Variants in C6orf89 observed in about 807,000 individuals in gnomAD.
The protein encoded by C6orf89 is chromosome 6 open reading frame 89, also known as bombesin receptor-activated protein C6orf89.
In C6orf89, 29 loss-of-function variants were observed where a neutral mutation model predicts 40.7. The ratio of observed to expected loss-of-function variants is 0.71; its 90% CI spans 0.53 to 0.97. The LOEUF is 0.97. Ranked by LOEUF, C6orf89 falls within the 50% of genes least tolerant of loss-of-function variation. The pLI, the probability that C6orf89 is intolerant of heterozygous loss-of-function variation, is 0.00. For missense variants in C6orf89, 392 were observed against 429.1 expected (o/e 0.91, Z 0.76); for synonymous variants, 165 against 152.2 (o/e 1.08, Z -0.62).
chr6:36,910,056 T>TTTTA (rs1201363818), intron 4 of C6orf89, among the ~76,000 whole-genome samples: 1 of 152,092 alleles, frequency 6.6e-6, no homozygotes, highest in Non-Finnish European at 1.5e-5. Flanking sequence ...AGTCTCACAT[T>TTTTA]TACAGACACA....
chr6:36,872,073 A>T, intron 1 of C6orf89: 1 of 461,932 alleles, frequency 2.2e-6, no homozygotes, highest in East Asian at 4.0e-5. Flanking sequence ...TAAAACACGC[A>T]GGTGTTCTGG....
intron 4 of C6orf89, among the ~76,000 whole-genome samples, chr6:36,908,274 C>A (rs9462243): frequency 0.041 from 5,963 of 145,248 alleles, 366 homozygotes; most frequent in African/African-American, 0.14. Context: ...GGGCCACCAG[C>A]CTGGCCACCT....
chr6:36,877,947 A>G (rs1774704370), intron 1 of C6orf89, among the ~76,000 whole-genome samples: 1 of 152,220 alleles, frequency 6.6e-6, no homozygotes. Context: ...AAAGTTTCTA[A>G]TTTTAATGTA....
At chr6:36,890,539 A>AT (rs34672809) in intron 1 of C6orf89, among the ~76,000 whole-genome samples, 34,093 of 151,830 alleles carry the variant, frequency 0.22, 3,924 homozygotes, top group East Asian at 0.31. Flanking sequence ...TAAAAAAAAA[A>AT]TTTTATTCTT....
intron 2 of C6orf89, among the ~76,000 whole-genome samples, chr6:36,896,600 A>G (rs2150686984): frequency 6.6e-6 from 1 of 152,202 alleles, no homozygotes; most frequent in African/African-American, 2.4e-5. Flanking sequence ...TGGTATTGAG[A>G]CACAGAATTT....
upstream of C6orf89, among the ~76,000 whole-genome samples, chr6:36,882,282 A>T (rs925400007): frequency 6.6e-6 from 1 of 152,284 alleles, no homozygotes; most frequent in African/African-American, 2.4e-5. Context: ...AACCTTTCAA[A>T]ATCAAGCTCT....
intron 8 of C6orf89, among the ~76,000 whole-genome samples, 189 bp from the exon 9 acceptor site, chr6:36,923,158 C>T (rs1219188687): frequency 6.6e-6 from 1 of 151,904 alleles, no homozygotes; most frequent in Admixed American, 6.6e-5. Flanking sequence ...TAGTGAGACC[C>T]CTATCTCTTA....
At position 36,894,613 on chromosome 6, in the gene C6orf89, G is replaced by A; in HGVS notation, c.-20+10G>A. On this transcript the variant is annotated intron_variant, in intron 2 of 8. Coordinates refer to ENST00000480824, the MANE Select transcript of C6orf89 (RefSeq NM_001286635.2). ...ATAGGAAAATAACTTGGTAAGGGAG[G>A]CAGCATGCAACAACCCTGAAGTCAG... is the stretch of plus-strand genomic sequence containing the variant. The A allele has an allele frequency of 1.0e-6, 1 of 972,680 alleles. No homozygotes were observed. The highest frequency in any genetic ancestry group is 1.2e-6 in the Non-Finnish European group (1 of 818,366). The allele number at this position is 972,680 out of a possible 1,614,324, so 60.3% of individuals were successfully genotyped here.
At chr6:36,901,792 T>A (rs1208730314) in intron 3 of C6orf89, among the ~76,000 whole-genome samples, 3 of 152,018 alleles carry the variant, frequency 2.0e-5, no homozygotes, top group Non-Finnish European at 4.4e-5. Context: ...GGCCTCAGCC[T>A]CCCAAGTAGC....
At chr6:36,893,125 G>C (rs932582469) in intron 1 of C6orf89, among the ~76,000 whole-genome samples, 1 of 151,256 alleles carries the variant, frequency 6.6e-6, no homozygotes, top group African/African-American at 2.4e-5. Flanking sequence ...TAGTAGAGAC[G>C]GGGTTTCACT....
upstream of C6orf89, among the ~76,000 whole-genome samples, chr6:36,883,625 T>G (rs143926597): frequency 3.9e-3 from 589 of 152,286 alleles, 2 homozygotes; most frequent in African/African-American, 0.013. Context: ...CCAATGTAGG[T>G]AACAAACTTT....
chr6:36,876,482 T>A (rs1774655223), intron 1 of C6orf89, among the ~76,000 whole-genome samples: 1 of 152,158 alleles, frequency 6.6e-6, no homozygotes, highest in South Asian at 2.1e-4. Flanking sequence ...TCTGGCACTT[T>A]CGGAGGCCGA....
intron 4 of C6orf89, among the ~76,000 whole-genome samples, chr6:36,912,863 G>A (rs543957909): frequency 2.0e-5 from 3 of 152,322 alleles, no homozygotes; most frequent in Non-Finnish European, 2.9e-5. Context: ...CAAGCATGTA[G>A]TGCTTACTGC....
At chr6:36,918,545 A>AGAT (rs143426229) in intron 7 of C6orf89, among the ~76,000 whole-genome samples, 2,005 of 152,316 alleles carry the variant, frequency 0.013, 50 homozygotes, top group African/African-American at 0.046. Context: ...GGACAGGGGA[A>AGAT]GATGGGGCCA....
chr6:36,886,702 T>A (rs1561856849), intron 1 of C6orf89, among the ~76,000 whole-genome samples: 1 of 152,230 alleles, frequency 6.6e-6, no homozygotes, highest in Non-Finnish European at 1.5e-5. Context: ...TAAATCACTT[T>A]ATAATAGAGA....
At chr6:36,891,494 C>T (rs1761208888) in intron 1 of C6orf89, among the ~76,000 whole-genome samples, 1 of 152,152 alleles carries the variant, frequency 6.6e-6, no homozygotes, top group South Asian at 2.1e-4. Flanking sequence ...ATTTATAATC[C>T]TTTGGGTATA....
intron 3 of C6orf89, among the ~76,000 whole-genome samples, chr6:36,901,872 C>G (rs1220982258): frequency 6.6e-6 from 1 of 151,344 alleles, no homozygotes; most frequent in African/African-American, 2.4e-5. Flanking sequence ...GGGGTTTCAC[C>G]GTGTTAGCCA....
At chr6:36,916,337 C>T in intron 6 of C6orf89, 108 bp from the exon 7 acceptor site, 1 of 1,288,862 alleles carries the variant, frequency 7.8e-7, no homozygotes, top group Admixed American at 2.0e-5. Context: ...TCATATTTTT[C>T]CCTCTTTACC....
intron 6 of C6orf89, among the ~76,000 whole-genome samples, chr6:36,915,224 G>A (rs185765598): frequency 8.3e-4 from 126 of 152,300 alleles, no homozygotes; most frequent in African/African-American, 2.8e-3. Flanking sequence ...TTGTCTAATA[G>A]AGTCATAATT....
Sources: gnomAD v4.1 joint callset for allele counts (sites outside exome capture counted in the v4.1 genomes callset) on GRCh38, gnomAD v4.1.1 for gene constraint, MANE v1.5 for transcripts, NCBI Gene and HGNC (gene_info 2026-07-23, HGNC 2026-07-21) for gene names.